Variants in USH2A observed in about 807,000 individuals in gnomAD.
USH2A encodes the protein usherin.
A neutral mutation model predicts 538.9 loss-of-function variants in USH2A; 443 were observed. The ratio of observed to expected loss-of-function variants is 0.82; its 90% CI spans 0.76 to 0.89. The LOEUF (loss-of-function observed/expected upper bound fraction) is 0.89. Ranked by LOEUF, USH2A falls within the 40% of genes least tolerant of loss-of-function variation. The pLI is 0.00. For synonymous variants in USH2A, 2,413 were observed against 2,273.5 expected, an observed-to-expected ratio of 1.06 and a Z score of -1.75; for missense variants, 6,633 against 6,324.8, an observed-to-expected ratio of 1.05 and a Z score of -1.65.
chr1:216,191,125 A>G (rs1018508143), intron 19 of USH2A, among the ~76,000 whole-genome samples: 3 of 152,046 alleles, frequency 2.0e-5, no homozygotes. Context: ...CAACCATGTA[A>G]ATTTGTTTAG....
At chr1:215,713,116 CTT>C in intron 61 of USH2A, among the ~76,000 whole-genome samples, 1 of 152,290 alleles carries the variant, frequency 6.6e-6, no homozygotes, top group African/African-American at 2.4e-5. Flanking sequence ...CAGAAGAAAA[CTT>C]TTCCTTTTTT....
chr1:216,084,225 G>T (rs56219666), intron 25 of USH2A, among the ~76,000 whole-genome samples: 2,788 of 151,966 alleles, frequency 0.018, 42 homozygotes, highest in East Asian at 0.036. Context: ...CAGGGATGGT[G>T]GTTCTAGTCT....
intron 20 of USH2A, among the ~76,000 whole-genome samples, chr1:216,186,909 G>A (rs1226878633): frequency 2.0e-5 from 3 of 151,312 alleles, no homozygotes; most frequent in Non-Finnish European, 3.0e-5. Context: ...ACTTCTACTC[G>A]TCTGATTTAC....
intron 4 of USH2A, among the ~76,000 whole-genome samples, chr1:216,337,631 C>G (rs1380516437): frequency 6.6e-6 from 1 of 151,274 alleles, no homozygotes; most frequent in Non-Finnish European, 1.5e-5. Flanking sequence ...GATGCTTGCT[C>G]TCACTGCTTT....
chr1:215,639,159 T>C lies in USH2A; in HGVS notation c.15048A>G (p.Gly5016=). 2 of 1,614,108 alleles carry C rather than the reference T, an allele frequency of 1.2e-6. No individual in the cohort carries two copies. The highest frequency in any genetic ancestry group is 1.7e-6 in the Non-Finnish European group (2 of 1,179,970). The stretch of plus-strand genomic sequence containing the variant: ...AGTATAATATGAGTTGTTTACCAAG[T>C]CCAGTAGAGGTATCATATTGGATCA... ...TPLIQYDTST[G]LGLVLTTPGK... Residue 5016 remains glycine, a synonymous_variant, in exon 69 of 72, where the codon GGA becomes GGG. Coordinates refer to ENST00000307340, the MANE Select transcript of USH2A (RefSeq NM_206933.4).
chr1:216,184,098 G>A (rs2034545875), intron 20 of USH2A, among the ~76,000 whole-genome samples: 1 of 151,958 alleles, frequency 6.6e-6, no homozygotes, highest in South Asian at 2.1e-4. Flanking sequence ...CACAGATACT[G>A]TTTATCTTAG....
intron 3 of USH2A, among the ~76,000 whole-genome samples, chr1:216,393,047 T>A (rs1231966763): frequency 6.6e-6 from 1 of 152,192 alleles, no homozygotes; most frequent in African/African-American, 2.4e-5. Flanking sequence ...TATTGTCTTT[T>A]ACATTAATGA....
At chr1:216,003,633 C>T (rs11120709) in intron 32 of USH2A, among the ~76,000 whole-genome samples, 74,705 of 151,668 alleles carry the variant, frequency 0.49, 19,081 homozygotes, top group East Asian at 0.84. Context: ...AGCAGGGAGG[C>T]TGAGGTGGCT....
chr1:215,964,066 A>T (rs1026445276), intron 37 of USH2A, among the ~76,000 whole-genome samples: 2 of 152,162 alleles, frequency 1.3e-5, no homozygotes, highest in African/African-American at 4.8e-5. Context: ...GAGAGACGGG[A>T]TGACAACTGA....
intron 1 of USH2A, among the ~76,000 whole-genome samples, 185 bp downstream of exon 1, chr1:216,423,029 C>T (rs1234684192): frequency 6.6e-6 from 1 of 152,032 alleles, no homozygotes; most frequent in African/African-American, 2.4e-5. Flanking sequence ...TCCCCTTATC[C>T]CAGCATGTGC....
intron 11 of USH2A, among the ~76,000 whole-genome samples, chr1:216,279,864 A>AC (rs2036738791): frequency 6.6e-6 from 1 of 152,064 alleles, no homozygotes; most frequent in African/African-American, 2.4e-5. Flanking sequence ...AGGGACTTTC[A>AC]CCGGTCTCCC....
intron 41 of USH2A, among the ~76,000 whole-genome samples, chr1:215,880,319 G>A (rs142501357): frequency 2.6e-5 from 4 of 152,162 alleles, no homozygotes; most frequent in Non-Finnish European, 5.9e-5. Flanking sequence ...ACTAATAATT[G>A]GTGACAAAAG....
chr1:216,019,889 C>T lies in USH2A; in HGVS notation c.6326-19327G>A, dbSNP rs115907570. On this transcript the variant is annotated intron_variant, in intron 32 of 71. Transcript: ENST00000307340. ...ATCCTATTAGAATTATGCTGTATACCTACTTGCAAAAAACACAATGCATCA... is the reference window on the plus strand; with the variant it reads ...ATCCTATTAGAATTATGCTGTATACTTACTTGCAAAAAACACAATGCATCA... Among the ~76,000 whole-genome samples, 1,123 of 152,194 alleles carry T rather than the reference C, an allele frequency of 7.4e-3. 8 individuals carry two copies. The highest frequency in any genetic ancestry group is 0.012 in the Non-Finnish European group (847 of 67,982).
At chr1:216,036,558 T>A (rs981284170) in intron 32 of USH2A, among the ~76,000 whole-genome samples, 5 of 152,170 alleles carry the variant, frequency 3.3e-5, no homozygotes, top group African/African-American at 9.6e-5. Flanking sequence ...TACAGCATCA[T>A]AAACTTTATG....
chr1:216,110,026 G>T (rs893610278), intron 21 of USH2A, among the ~76,000 whole-genome samples: 1 of 151,916 alleles, frequency 6.6e-6, no homozygotes, highest in Non-Finnish European at 1.5e-5. Context: ...ATTCTCATAA[G>T]AATTTTTCAA....
chr1:215,981,144 C>A (rs11120706), intron 35 of USH2A, among the ~76,000 whole-genome samples: 4 of 151,902 alleles, frequency 2.6e-5, no homozygotes, highest in African/African-American at 9.7e-5. Flanking sequence ...AAAATGGTAT[C>A]TTGTTTGGGT....
chr1:215,783,418 T>G (rs1170419855), intron 52 of USH2A, among the ~76,000 whole-genome samples: 2 of 152,174 alleles, frequency 1.3e-5, no homozygotes, highest in African/African-American at 4.8e-5. Context: ...TGAAACTTAG[T>G]TTATCATGGT....
At chr1:216,178,079 G>C (rs1397867017) in intron 20 of USH2A, among the ~76,000 whole-genome samples, 1 of 152,062 alleles carries the variant, frequency 6.6e-6, no homozygotes, top group Non-Finnish European at 1.5e-5. Flanking sequence ...AAGCAGCTTA[G>C]AACAATTAGT....
intron 44 of USH2A, among the ~76,000 whole-genome samples, chr1:215,863,621 C>T (rs547660271): frequency 6.6e-6 from 1 of 151,730 alleles, no homozygotes; most frequent in Admixed American, 6.6e-5. Flanking sequence ...ATAAATGTAT[C>T]TGTGAGGAAG....
Sources: allele counts gnomAD v4.1 joint callset (sites outside exome capture counted in the v4.1 genomes callset), GRCh38; gene constraint gnomAD v4.1.1; transcripts MANE v1.5; gene names NCBI Gene and HGNC (gene_info 2026-07-23, HGNC 2026-07-21).